Variants in BTD observed in about 807,000 individuals in gnomAD.
The protein encoded by BTD is biocytinase.
BTD carries 13 observed loss-of-function variants against 17.7 expected under a neutral mutation model. That is an observed-to-expected ratio of 0.74 (90% confidence interval 0.48 to 1.17). The LOEUF (loss-of-function observed/expected upper bound fraction) is 1.17. BTD is among the 50% of genes most tolerant of loss of function. BTD has a pLI of 0.00. For synonymous variants in BTD, 240 were observed against 245.2 expected (o/e 0.98, Z 0.20); for missense variants, 674 against 650.4 (o/e 1.04, Z -0.39).
Position 15,603,750 on chromosome 3 carries a change from T to C in BTD, c.-17+1856T>C, listed in dbSNP as rs996448461. On this transcript the variant is annotated intron_variant, in intron 1 of 3. Coordinates refer to ENST00000643237, the MANE Select transcript of BTD (RefSeq NM_001370658.1). The stretch of plus-strand genomic sequence containing the variant: ...TGGGTGCACGGGAGTGAGGTAAATA[T>C]ACCCGTTCCAAATGGGAGAAATTGG... Among the ~76,000 whole-genome samples the C allele has an allele frequency of 1.1e-4, 17 of 152,340 alleles. No individual in the cohort carries two copies. The East Asian group carries it at 1.3e-3, about 12-fold the overall frequency.
chr3:15,621,750 C>A (rs1322222087), intron 1 of BTD, among the ~76,000 whole-genome samples: 3 of 152,118 alleles, frequency 2.0e-5, no homozygotes, highest in African/African-American at 7.2e-5. Flanking sequence ...CAGGTGCCCA[C>A]CACCACGCCT....
chr3:15,678,078 G>T, intron 3 of BTD: 1 of 897,534 alleles, frequency 1.1e-6, no homozygotes, highest in Non-Finnish European at 1.6e-6. Flanking sequence ...AATGTGGATT[G>T]CAAACAGGTA....
At position 15,647,514 on chromosome 3, in the gene BTD, G is replaced by A. The variant is rs1299174909; in HGVS notation, c.*2026G>A. 1 of 152,216 alleles carries A rather than the reference G, an allele frequency of 6.6e-6. No individual in the cohort carries two copies. The highest frequency in any genetic ancestry group is 1.5e-5 in the Non-Finnish European group (1 of 68,046). 9.4% of individuals were successfully genotyped at this position (152,216 alleles called of 1,614,324 possible). On this transcript the variant is annotated 3_prime_UTR_variant, in exon 4 of 4. Coordinates refer to ENST00000643237, the MANE Select transcript of BTD (RefSeq NM_001370658.1). ...CAATTTAGAATGAATTGCTCGTGAA[G>A]TAGAAATGAGGGGAAAAGCAACTAA...
intron 3 of BTD, among the ~76,000 whole-genome samples, chr3:15,674,176 A>C (rs1306850844): frequency 7.0e-6 from 1 of 143,196 alleles, no homozygotes; most frequent in African/African-American, 2.6e-5. Flanking sequence ...TGCCTCTTCA[A>C]AAAAAAAAAA....
At chr3:15,712,057 T>C in exon 4 of BTD, 1 of 1,098,220 alleles carries the variant, frequency 9.1e-7, no homozygotes, top group East Asian at 2.6e-5. Context: ...TCTGCATTAA[T>C]TTTTAAAAAG....
Position 15,648,573 on chromosome 3 carries a change from A to C in BTD, c.*3085A>C, listed in dbSNP as rs145902362. Among the ~76,000 whole-genome samples, 823 of 152,314 alleles carry C rather than the reference A, an allele frequency of 5.4e-3. 6 individuals are homozygous for C. The highest frequency in any genetic ancestry group is 9.5e-3 in the Non-Finnish European group (643 of 68,020). On this transcript the variant is annotated 3_prime_UTR_variant, in exon 4 of 4. Transcript: ENST00000643237. ...GGTCTCTCATGAGGCTACAGTCAAG[A>C]TGTCAGCCGAGGTGACAGTGAAGAT...
At chr3:15,720,896 TTC>T (rs1486816529) in intron 4 of BTD, 3 of 1,606,852 alleles carry the variant, frequency 1.9e-6, no homozygotes, top group South Asian at 1.1e-5. Flanking sequence ...TACTTATAGA[TTC>T]TGATTTTGTT....
Position 15,670,612 on chromosome 3 carries a change from G to T in BTD, c.399+28555G>T, listed in dbSNP as rs866552188. 127 of 1,529,784 alleles carry T rather than the reference G, an allele frequency of 8.3e-5. No homozygotes were observed. The South Asian group carries it at 1.4e-3, about 17-fold the overall frequency. The allele number at this position is 1,529,784 out of a possible 1,614,324, so 94.8% of individuals were successfully genotyped here. On this transcript the variant is annotated intron_variant, in intron 3 of 3. Transcript: ENST00000672141. Reference sequence around the variant, plus strand: ...GCATCCTGAGATGTATTTCACCAAAGACAAGGAAATAAGCCTAAAGTACTT... The same window carrying T: ...GCATCCTGAGATGTATTTCACCAAATACAAGGAAATAAGCCTAAAGTACTT...
At chr3:15,642,900 C>T (rs984625146) in intron 3 of BTD, among the ~76,000 whole-genome samples, 9 of 151,590 alleles carry the variant, frequency 5.9e-5, no homozygotes, top group African/African-American at 2.2e-4. Context: ...TGGTGGCTCA[C>T]ACCTGTAATC....
intron 3 of BTD, among the ~76,000 whole-genome samples, chr3:15,705,963 T>G (rs1327503465): frequency 1.3e-5 from 2 of 151,950 alleles, no homozygotes; most frequent in East Asian, 3.9e-4. Context: ...ACTGCAGCAC[T>G]GCACTCCACC....
At chr3:15,721,695 A>C (rs955488063) in intron 4 of BTD, among the ~76,000 whole-genome samples, 1 of 152,208 alleles carries the variant, frequency 6.6e-6, no homozygotes, top group Non-Finnish European at 1.5e-5. Flanking sequence ...TTTTATCACA[A>C]GTAAAAAGAG....
Position 15,648,292 on chromosome 3 carries a change from A to G in BTD, c.*2804A>G, listed in dbSNP as rs1321336997. Among the ~76,000 whole-genome samples the G allele has an allele frequency of 6.6e-6, 1 of 152,124 alleles. No homozygotes were observed. The highest frequency in any genetic ancestry group is 2.4e-5 in the African/African-American group (1 of 41,410). ...GACAAAATAGGCATAAAAGTATGAAATGTTTTGTGCACAAAGGCCTAGATT... is the reference window on the plus strand; with the variant it reads ...GACAAAATAGGCATAAAAGTATGAAGTGTTTTGTGCACAAAGGCCTAGATT... On this transcript the variant is annotated 3_prime_UTR_variant, in exon 4 of 4. Coordinates refer to ENST00000643237, the MANE Select transcript of BTD (RefSeq NM_001370658.1).
At chr3:15,659,848 A>G (rs778310652) in intron 3 of BTD, among the ~76,000 whole-genome samples, 5 of 152,188 alleles carry the variant, frequency 3.3e-5, no homozygotes, top group Non-Finnish European at 5.9e-5. Flanking sequence ...CTTTTATCCT[A>G]TGATAGGTCA....
intron 3 of BTD, among the ~76,000 whole-genome samples, chr3:15,701,581 T>C (rs927188149): frequency 1.3e-5 from 2 of 151,460 alleles, no homozygotes; most frequent in African/African-American, 4.9e-5. Flanking sequence ...GAGGCGGAGG[T>C]TGCAGTAAGC....
At chr3:15,654,311 T>G (rs540581900), downstream of BTD, among the ~76,000 whole-genome samples, 323 of 151,882 alleles carry the variant, frequency 2.1e-3, 3 homozygotes, top group Non-Finnish European at 5.9e-4. Flanking sequence ...GAGTTAGGGT[T>G]TATGTGGGCA....
chr3:15,678,973 C>T (rs562941396), intron 3 of BTD, among the ~76,000 whole-genome samples: 2 of 152,160 alleles, frequency 1.3e-5, no homozygotes, highest in African/African-American at 4.8e-5. Context: ...GAAAATAAAA[C>T]CTTTTTGGGG....
At position 15,710,036 on chromosome 3, in the gene BTD, G is replaced by GTT. The variant is rs34686530; in HGVS notation, c.400-12_400-11dup. 6.4e-3 allele frequency among the ~76,000 whole-genome samples: 931 copies of GTT among 146,240 alleles called. 7 individuals are homozygous for GTT. Among genetic ancestry groups the GTT allele is most frequent in the African/African-American group, 0.014 (559 of 39,900 alleles). On this transcript the variant is annotated intron_variant, in intron 3 of 3. Transcript: ENST00000672141. ...GCTTTAGGAAACAACTTGCTTATAG[G>GTT]TTTTTTTTTTTTTCTTGAAACAGAG...
At chr3:15,705,248 T>C (rs1454904065) in intron 3 of BTD, among the ~76,000 whole-genome samples, 1 of 152,210 alleles carries the variant, frequency 6.6e-6, no homozygotes. Flanking sequence ...TACCCTTCTA[T>C]AGGAAAAGTA....
chr3:15,703,889 AT>A (rs2070978490), intron 3 of BTD, among the ~76,000 whole-genome samples: 1 of 152,228 alleles, frequency 6.6e-6, no homozygotes, highest in Non-Finnish European at 1.5e-5. Context: ...TTCAACTTTG[AT>A]TAAGGCTGTG....
Sources: allele counts gnomAD v4.1 joint callset (sites outside exome capture counted in the v4.1 genomes callset), GRCh38; gene constraint gnomAD v4.1.1; transcripts MANE v1.5; gene names NCBI Gene and HGNC (gene_info 2026-07-23, HGNC 2026-07-21).